ITPR2: variants seen among roughly 807,000 people sequenced by gnomAD.
ITPR2 encodes the protein inositol 1,4,5-trisphosphate receptor type 2.
In ITPR2, 207 loss-of-function variants were observed where a neutral mutation model predicts 317.1. The observed-to-expected ratio is 0.65, with a 90% confidence interval of 0.58 to 0.73. The LOEUF is 0.73. ITPR2 is among the 30% of genes least tolerant of loss of function. The pLI, the probability that ITPR2 is intolerant of heterozygous loss-of-function variation, is 0.00. For synonymous variants in ITPR2, 1,156 were observed against 1,149.1 expected (o/e 1.01, Z -0.12); for missense variants, 2,613 against 3,284.0 (o/e 0.80, Z 4.99).
chr12:26,817,701 A>G (rs746412749), intron 1 of ITPR2, among the ~76,000 whole-genome samples: 1 of 152,228 alleles, frequency 6.6e-6, no homozygotes, highest in Non-Finnish European at 1.5e-5. Flanking sequence ...ACCTAGTTTC[A>G]TCTTTTTAGA....
chr12:26,640,551 A>T (rs1946962215), intron 21 of ITPR2, among the ~76,000 whole-genome samples: 1 of 152,140 alleles, frequency 6.6e-6, no homozygotes, highest in Admixed American at 6.6e-5. Context: ...TCCCCCATAG[A>T]ACCAGAAATA....
At chr12:26,476,849 A>G in intron 44 of ITPR2, 63 bp downstream of exon 44, 3 of 1,009,854 alleles carry the variant, frequency 3.0e-6, no homozygotes, top group South Asian at 1.4e-5. Flanking sequence ...TCTGACATGC[A>G]TTCTCTAAAT....
chr12:26,665,591 C>T (rs1185461904), intron 14 of ITPR2, among the ~76,000 whole-genome samples: 1 of 152,124 alleles, frequency 6.6e-6, no homozygotes, highest in Non-Finnish European at 1.5e-5. Flanking sequence ...AGCAAGCTGC[C>T]TTGTCTTGAG....
intron 49 of ITPR2, among the ~76,000 whole-genome samples, chr12:26,426,873 A>G (rs573243186): frequency 2.7e-5 from 4 of 150,756 alleles, no homozygotes; most frequent in African/African-American, 9.7e-5. Context: ...GTTAAATATT[A>G]GTTATTATTA....
Position 26,486,187 on chromosome 12 carries a change from T to G in ITPR2, c.5728A>C (p.Thr1910Pro), listed in dbSNP as rs767480877. ...NTEEKSAEEV[T>P]MSPAIAIMQP... Reference sequence around the variant, plus strand: ...ATGATGGCAATTGCGGGACTCATTGTTACTTCCTCTGCGGATTTTTCCTCA... The same window carrying G: ...ATGATGGCAATTGCGGGACTCATTGGTACTTCCTCTGCGGATTTTTCCTCA... Residue 1910 changes from threonine (T) to proline (P), a missense_variant, in exon 41 of 57, where the codon ACA becomes CCA. By Grantham distance (38) the Thr-to-Pro change is conservative. Transcript: ENST00000381340. 6.2e-7 allele frequency: 1 copy of G among 1,614,168 alleles called. No individual in the cohort carries two copies. Among genetic ancestry groups the G allele is most frequent in the South Asian group, 1.1e-5 (1 of 91,076 alleles).
intron 35 of ITPR2, among the ~76,000 whole-genome samples, chr12:26,560,576 C>G (rs972532873): frequency 6.6e-6 from 1 of 152,150 alleles, no homozygotes; most frequent in Non-Finnish European, 1.5e-5. Flanking sequence ...TCTGCTGACC[C>G]TGCCTTCATT....
At chr12:26,339,623 T>C (rs1029091723) in intron 56 of ITPR2, 140 bp from the exon 57 acceptor site, 6 of 552,454 alleles carry the variant, frequency 1.1e-5, no homozygotes, top group Non-Finnish European at 1.9e-5. Flanking sequence ...AAAAAAGGGA[T>C]TTTTTTAAAA....
chr12:26,474,230 G>GTT (rs1942358433), intron 45 of ITPR2, among the ~76,000 whole-genome samples: 1 of 152,178 alleles, frequency 6.6e-6, no homozygotes, highest in South Asian at 2.1e-4. Flanking sequence ...AACGTACAGG[G>GTT]AAACAGAAGG....
intron 9 of ITPR2, among the ~76,000 whole-genome samples, chr12:26,704,278 T>C (rs1347467003): frequency 1.3e-5 from 2 of 152,242 alleles, no homozygotes; most frequent in East Asian, 3.8e-4. Flanking sequence ...AATATTCTAA[T>C]AATCCAGGTC....
intron 26 of ITPR2, among the ~76,000 whole-genome samples, chr12:26,603,202 T>C (rs1039272434): frequency 6.6e-6 from 1 of 152,152 alleles, no homozygotes; most frequent in African/African-American, 2.4e-5. Context: ...CAGGTTACCA[T>C]GGCATCCTTA....
intron 23 of ITPR2, 134 bp from the exon 24 acceptor site, chr12:26,624,490 A>G (rs1408499345): frequency 1.6e-6 from 1 of 620,934 alleles, no homozygotes; most frequent in East Asian, 2.8e-5. Context: ...ATTAACACTA[A>G]TAATCTGATT....
At chr12:26,415,849 T>C (rs1940703450) in intron 50 of ITPR2, among the ~76,000 whole-genome samples, 1 of 152,202 alleles carries the variant, frequency 6.6e-6, no homozygotes, top group African/African-American at 2.4e-5. Flanking sequence ...TCACTTATTC[T>C]TTATTTTTGG....
intron 40 of ITPR2, 34 bp downstream of exon 40, chr12:26,487,034 C>A: frequency 6.4e-7 from 1 of 1,568,610 alleles, no homozygotes; most frequent in Non-Finnish European, 8.8e-7. Flanking sequence ...TTTTCTCTCA[C>A]TCTGTTCTCC....
chr12:26,528,607 T>C (rs1943867673), intron 37 of ITPR2, among the ~76,000 whole-genome samples: 1 of 152,214 alleles, frequency 6.6e-6, no homozygotes, highest in Non-Finnish European at 1.5e-5. Flanking sequence ...TTATCGTAAA[T>C]GAGATTCCAT....
At chr12:26,348,173 G>A (rs1179082637) in intron 55 of ITPR2, among the ~76,000 whole-genome samples, 5 of 152,124 alleles carry the variant, frequency 3.3e-5, no homozygotes, top group African/African-American at 4.8e-5. Flanking sequence ...TGCACTTTTT[G>A]TCTGAAGACA....
intron 13 of ITPR2, among the ~76,000 whole-genome samples, chr12:26,673,223 T>C (rs368332113): frequency 5.9e-5 from 9 of 151,940 alleles, no homozygotes; most frequent in Admixed American, 5.2e-4. Flanking sequence ...ATACCAAAGC[T>C]GGGCAGAGAC....
At chr12:26,786,980 G>A (rs926556365) in intron 2 of ITPR2, among the ~76,000 whole-genome samples, 1 of 151,996 alleles carries the variant, frequency 6.6e-6, no homozygotes, top group Admixed American at 6.6e-5. Context: ...GTGATTCTGG[G>A]AGGCAAATCT....
chr12:26,514,636 T>C (rs887105105), intron 37 of ITPR2, among the ~76,000 whole-genome samples: 3 of 152,192 alleles, frequency 2.0e-5, no homozygotes, highest in African/African-American at 7.2e-5. Flanking sequence ...CTTGCTACTG[T>C]TTGTACAGTT....
intron 1 of ITPR2, 48 bp from the exon 2 acceptor site, chr12:26,790,275 T>C: frequency 7.1e-7 from 1 of 1,409,822 alleles, no homozygotes; most frequent in Non-Finnish European, 1.0e-6. Context: ...GTCATATTCA[T>C]AAACCACAGA....
Sources: allele counts gnomAD v4.1 joint callset (sites outside exome capture counted in the v4.1 genomes callset), GRCh38; gene constraint gnomAD v4.1.1; transcripts MANE v1.5; gene names NCBI Gene and HGNC (gene_info 2026-07-23, HGNC 2026-07-21).